Variants in TOX observed in about 807,000 individuals in gnomAD.
TOX encodes thymocyte selection associated high mobility group box, also known as thymocyte selection-associated high mobility group box protein TOX.
In TOX, 11 loss-of-function variants were observed where a neutral mutation model predicts 53.7. That is an observed-to-expected ratio of 0.20 (90% CI 0.13 to 0.34). The LOEUF (loss-of-function observed/expected upper bound fraction) is 0.34, where lower values mean the gene tolerates loss of function less well. Among genes scored for constraint, TOX ranks in the 10% least tolerant of loss-of-function variants. The pLI, the probability that TOX is intolerant of heterozygous loss-of-function variation, is 1.00. For synonymous variants in TOX, 225 were observed against 245.3 expected, an observed-to-expected ratio of 0.92 and a Z score of 0.77; for missense variants, 570 against 664.6, an observed-to-expected ratio of 0.86 and a Z score of 1.56.
intron 3 of TOX, among the ~76,000 whole-genome samples, chr8:58,870,331 G>A (rs1023005546): frequency 6.6e-5 from 10 of 151,984 alleles, no homozygotes; most frequent in East Asian, 3.9e-4. Context: ...GACATAAATC[G>A]AACAAACAAG....
At chr8:58,828,332 G>C (rs72649457) in intron 5 of TOX, among the ~76,000 whole-genome samples, 2 of 151,942 alleles carry the variant, frequency 1.3e-5, no homozygotes, top group African/African-American at 2.4e-5. Context: ...CTCCTAAAGT[G>C]GGGGGCTTCA....
chr8:58,894,002 CTG>C (rs1811600861), intron 3 of TOX, among the ~76,000 whole-genome samples: 1 of 152,174 alleles, frequency 6.6e-6, no homozygotes, highest in Non-Finnish European at 1.5e-5. Context: ...CACTTTTTAA[CTG>C]AATATAAAAA....
At chr8:58,812,958 G>C (rs1288328478) in intron 7 of TOX, among the ~76,000 whole-genome samples, 1 of 152,126 alleles carries the variant, frequency 6.6e-6, no homozygotes, top group Non-Finnish European at 1.5e-5. Context: ...CATGATCAAG[G>C]CATTGTTAAA....
chr8:58,868,014 C>T (rs1234397891), intron 3 of TOX, among the ~76,000 whole-genome samples: 1 of 152,016 alleles, frequency 6.6e-6, no homozygotes, highest in Non-Finnish European at 1.5e-5. Context: ...ATTGTAGCTC[C>T]CATAATCCCC....
At chr8:59,032,327 T>C (rs1814373768) in intron 1 of TOX, among the ~76,000 whole-genome samples, 1 of 152,198 alleles carries the variant, frequency 6.6e-6, no homozygotes, top group Non-Finnish European at 1.5e-5. Flanking sequence ...ATAACAGAAA[T>C]AATGTCCAAT....
intron 3 of TOX, among the ~76,000 whole-genome samples, chr8:58,875,147 T>G (rs1271006537): frequency 1.3e-5 from 2 of 152,200 alleles, no homozygotes; most frequent in Non-Finnish European, 2.9e-5. Context: ...GTACAAGACC[T>G]CTCTGGTGGT....
intron 1 of TOX, among the ~76,000 whole-genome samples, chr8:59,076,523 T>A (rs1488151404): frequency 6.6e-6 from 1 of 152,204 alleles, no homozygotes; most frequent in Non-Finnish European, 1.5e-5. Context: ...ATAACTGATA[T>A]TTCAGACTCG....
intron 3 of TOX, among the ~76,000 whole-genome samples, chr8:58,884,089 A>G (rs1437394316): frequency 6.6e-6 from 1 of 152,186 alleles, no homozygotes; most frequent in African/African-American, 2.4e-5. Flanking sequence ...TCAAGCAGAA[A>G]GAAAGAAAAC....
intron 3 of TOX, among the ~76,000 whole-genome samples, chr8:58,923,018 C>A (rs939116863): frequency 6.6e-6 from 1 of 152,070 alleles, no homozygotes; most frequent in Non-Finnish European, 1.5e-5. Flanking sequence ...GTGACTAGCT[C>A]GGTGAGGGGC....
At chr8:59,062,220 T>G (rs1803998122) in intron 1 of TOX, among the ~76,000 whole-genome samples, 1 of 151,504 alleles carries the variant, frequency 6.6e-6, no homozygotes, top group Admixed American at 6.6e-5. Flanking sequence ...TAAGGAGAGG[T>G]GGTAGGAGTG....
At chr8:59,000,885 A>C (rs1813677705) in intron 1 of TOX, among the ~76,000 whole-genome samples, 1 of 152,230 alleles carries the variant, frequency 6.6e-6, no homozygotes, top group African/African-American at 2.4e-5. Flanking sequence ...TAAACAGTTC[A>C]AGAATTAAAT....
At chr8:58,836,034 T>G (rs762789902) in intron 5 of TOX, among the ~76,000 whole-genome samples, 5 of 152,200 alleles carry the variant, frequency 3.3e-5, no homozygotes, top group Non-Finnish European at 7.3e-5. Context: ...GGATGCTTTC[T>G]TCAGGAAATT....
At chr8:59,094,686 T>G (rs59069941) in intron 1 of TOX, among the ~76,000 whole-genome samples, 1,587 of 152,258 alleles carry the variant, frequency 0.01, 29 homozygotes, top group African/African-American at 0.034. Context: ...TGAGACACAG[T>G]GCAGAAGGAC....
intron 3 of TOX, among the ~76,000 whole-genome samples, chr8:58,905,619 T>C (rs1811799943): frequency 6.6e-6 from 1 of 152,240 alleles, no homozygotes; most frequent in African/African-American, 2.4e-5. Context: ...TAGGCTTTGC[T>C]GAATTTACTT....
chr8:59,034,142 G>T (rs982142651), intron 1 of TOX, among the ~76,000 whole-genome samples: 1 of 152,154 alleles, frequency 6.6e-6, no homozygotes, highest in African/African-American at 2.4e-5. Context: ...GCTCTTCCTG[G>T]TCTCCCATCC....
intron 1 of TOX, among the ~76,000 whole-genome samples, chr8:59,115,258 T>C (rs1286626653): frequency 6.6e-6 from 1 of 152,104 alleles, no homozygotes; most frequent in Non-Finnish European, 1.5e-5. Context: ...ATAATTGTAT[T>C]ACTACTCCTT....
intron 1 of TOX, among the ~76,000 whole-genome samples, chr8:59,029,556 A>C (rs899673187): frequency 2.0e-5 from 3 of 152,200 alleles, no homozygotes; most frequent in Non-Finnish European, 2.9e-5. Context: ...GGAAAAAGAT[A>C]CTAATGTTTC....
intron 1 of TOX, among the ~76,000 whole-genome samples, chr8:59,093,121 G>A (rs1018907034): frequency 6.6e-6 from 1 of 152,168 alleles, no homozygotes; most frequent in Non-Finnish European, 1.5e-5. Context: ...CACAGGATGG[G>A]GTCATGGTAG....
At chr8:59,063,310 C>T (rs1804023271) in intron 1 of TOX, among the ~76,000 whole-genome samples, 1 of 151,602 alleles carries the variant, frequency 6.6e-6, no homozygotes, top group Non-Finnish European at 1.5e-5. Flanking sequence ...CTAATGACTG[C>T]TTATTTTTAT....
Sources: allele counts gnomAD v4.1 joint callset (sites outside exome capture counted in the v4.1 genomes callset), GRCh38; gene constraint gnomAD v4.1.1; transcripts MANE v1.5; gene names NCBI Gene and HGNC (gene_info 2026-07-23, HGNC 2026-07-21).